Variants in SLX4IP observed in about 807,000 individuals in gnomAD.
SLX4IP encodes protein SLX4IP.
Under a neutral mutation model 32.9 loss-of-function variants are expected in SLX4IP, and 34 were observed. That is an observed-to-expected ratio of 1.03 (90% confidence interval 0.79 to 1.38). SLX4IP has a LOEUF of 1.38. Among genes scored for constraint, SLX4IP ranks in the 40% most tolerant of loss-of-function variants. The probability of loss-of-function intolerance (pLI) is 0.00; values close to 1 mark genes in which losing one functional copy is unlikely to be tolerated. For missense variants in SLX4IP, 444 were observed against 479.0 expected, an observed-to-expected ratio of 0.93 and a Z score of 0.68; for synonymous variants, 172 against 171.7, an observed-to-expected ratio of 1.00 and a Z score of -0.01.
intron 2 of SLX4IP, among the ~76,000 whole-genome samples, chr20:10,483,052 A>G (rs754727422): frequency 9.9e-5 from 15 of 152,228 alleles, no homozygotes; most frequent in South Asian, 2.1e-4. Context: ...ATCTATAGTG[A>G]TACGTTATCT....
intron 1 of SLX4IP, among the ~76,000 whole-genome samples, chr20:10,445,933 C>CTTTT (rs749557514): frequency 8.2e-5 from 5 of 60,704 alleles, no homozygotes; most frequent in African/African-American, 2.3e-4. Context: ...GCTGAGATTG[C>CTTTT]TTTTTTTTTT....
At chr20:10,488,399 T>C (rs681549) in intron 2 of SLX4IP, among the ~76,000 whole-genome samples, 59,409 of 151,898 alleles carry the variant, frequency 0.39, 11,838 homozygotes, top group Non-Finnish European at 0.43. Context: ...GGAACAAATT[T>C]TCCCTCATAT....
In SLX4IP at chr20:10,623,116, G is replaced by A. The variant is rs761175281; in HGVS notation, c.964G>A (p.Glu322Lys). Residue 322 changes from glutamate to lysine, a missense_variant, in exon 8 of 8, where the codon GAA (glutamate) becomes AAA (lysine). Glu to Lys is a moderately conservative substitution (Grantham distance 56, BLOSUM62 1). Transcript: ENST00000334534. ...TGGAAGTGATCGATTAGTCCCGAGA[G>A]AAATAATAGTGGAAAAAAGCAAAGC... Reference protein sequence around the residue: ...SLGSDRLVPREIIVEKSKAVR... With the variant: ...SLGSDRLVPRKIIVEKSKAVR... The A allele has an allele frequency of 1.2e-6, 2 of 1,614,200 alleles. No homozygotes were observed. Among genetic ancestry groups the A allele is most frequent in the South Asian group, 1.1e-5 (1 of 91,082 alleles).
At chr20:10,470,399 T>C (rs2065414932) in intron 2 of SLX4IP, among the ~76,000 whole-genome samples, 1 of 152,166 alleles carries the variant, frequency 6.6e-6, no homozygotes, top group Admixed American at 6.5e-5. Flanking sequence ...TAACGATGCA[T>C]AGTGTTTGCT....
intron 2 of SLX4IP, among the ~76,000 whole-genome samples, chr20:10,461,576 T>A (rs2065338564): frequency 6.6e-6 from 1 of 152,186 alleles, no homozygotes; most frequent in Non-Finnish European, 1.5e-5. Flanking sequence ...GGATCCCTTT[T>A]TAAATATCTG....
intron 2 of SLX4IP, among the ~76,000 whole-genome samples, chr20:10,482,785 A>G (rs1198235376): frequency 6.6e-6 from 1 of 152,254 alleles, no homozygotes; most frequent in Non-Finnish European, 1.5e-5. Context: ...AAACTAGATT[A>G]TGGTGACAAT....
chr20:10,523,086 A>G (rs1443177404), intron 2 of SLX4IP, among the ~76,000 whole-genome samples: 1 of 152,132 alleles, frequency 6.6e-6, no homozygotes, highest in Non-Finnish European at 1.5e-5. Flanking sequence ...CCTAAGTGCA[A>G]ACAGAGATCA....
At position 10,508,464 on chromosome 20, in the gene SLX4IP, A is replaced by G. The variant is rs114682680; in HGVS notation, c.28-47767A>G. On this transcript the variant is annotated intron_variant, in intron 2 of 7. Transcript: ENST00000334534. The stretch of plus-strand genomic sequence containing the variant: ...CTTTATTATATGAAACGCTTTTGAT[A>G]GAAATGATCCTGAAGTATCTCACAG... Among the ~76,000 whole-genome samples, 905 of 152,380 alleles carry G rather than the reference A, an allele frequency of 5.9e-3. 7 individuals carry two copies. Among genetic ancestry groups the G allele is most frequent in the African/African-American group, 0.021 (857 of 41,598 alleles).
intron 2 of SLX4IP, among the ~76,000 whole-genome samples, chr20:10,468,690 G>A (rs933070359): frequency 3.3e-5 from 5 of 152,064 alleles, no homozygotes; most frequent in African/African-American, 9.7e-5. Flanking sequence ...TGAATGACTT[G>A]CTTTTTCTTT....
At chr20:10,439,498 C>T (rs1463181030) in intron 1 of SLX4IP, among the ~76,000 whole-genome samples, 2 of 152,188 alleles carry the variant, frequency 1.3e-5, no homozygotes, top group Admixed American at 6.5e-5. Context: ...GTGTGAGCCA[C>T]GGGGGCTGGC....
intron 1 of SLX4IP, among the ~76,000 whole-genome samples, chr20:10,455,632 CAG>C (rs1430456916): frequency 2.9e-5 from 3 of 103,932 alleles, no homozygotes; most frequent in Non-Finnish European, 5.8e-5. Context: ...TATTTTGAGA[CAG>C]AGTCTCACTC....
chr20:10,546,940 G>A (rs1219023515), intron 2 of SLX4IP, among the ~76,000 whole-genome samples: 5 of 152,222 alleles, frequency 3.3e-5, no homozygotes, highest in African/African-American at 4.8e-5. Context: ...ATTCCCAAAT[G>A]TATTCTTCAT....
At chr20:10,544,963 A>T (rs564625415) in intron 2 of SLX4IP, among the ~76,000 whole-genome samples, 5 of 152,104 alleles carry the variant, frequency 3.3e-5, no homozygotes, top group Non-Finnish European at 4.4e-5. Context: ...AAACTTCAGC[A>T]TATGCCAGAA....
intron 4 of SLX4IP, among the ~76,000 whole-genome samples, chr20:10,580,020 C>T (rs2066565586): frequency 6.6e-6 from 1 of 152,160 alleles, no homozygotes; most frequent in Non-Finnish European, 1.5e-5. Flanking sequence ...AAACCTTTCA[C>T]AAATTTCTTG....
rs141321491 is a variant in SLX4IP, at chr20:10,453,544, A to G, written c.-29-4632A>G. ...CATCTTTAGTAGCTTCCTGAGAAAAAATACATGAAACAGTTTTATAAGAGC... is the reference window on the plus strand; with the variant it reads ...CATCTTTAGTAGCTTCCTGAGAAAAGATACATGAAACAGTTTTATAAGAGC... On this transcript the variant is annotated intron_variant, in intron 1 of 7. Coordinates refer to ENST00000334534, the MANE Select transcript of SLX4IP (RefSeq NM_001009608.3). Among the ~76,000 whole-genome samples, 919 of 152,256 alleles carry G rather than the reference A, an allele frequency of 6.0e-3. 5 individuals carry two copies. Among genetic ancestry groups the G allele is most frequent in the Middle Eastern group, 0.017 (5 of 294 alleles).
Position 10,622,661 on chromosome 20 carries a change from T to C in SLX4IP, c.509T>C (p.Val170Ala), listed in dbSNP as rs2067124679. 6.2e-7 allele frequency: 1 copy of C among 1,601,388 alleles called. No homozygotes were observed. The change falls in exon 8 of 8, where the codon GTG becomes GCG. Residue 170 changes from valine to alanine, a missense_variant and splice_region_variant. Val to Ala is a moderately conservative substitution (Grantham distance 64). Transcript: ENST00000334534. ...AAAATCATTTTTGTTTGTTTCAGTG[T>C]GAAAAGAACTGAAACAAAAAGCAGT... ...KLRRNALKEI[V>A]KRTETKSSVT...
At position 10,566,478 on chromosome 20, in the gene SLX4IP, T is replaced by G. The variant is rs996451579; in HGVS notation, c.238+5658T>G. ...TGTGTTATAATCATCCTTTGAGTAC[T>G]AAGGAAGCAGAGTCATGGGGATGGA... On this transcript the variant is annotated intron_variant, in intron 4 of 7. Transcript: ENST00000334534. 2.6e-5 allele frequency among the ~76,000 whole-genome samples: 4 copies of G among 152,046 alleles called. No individual in the cohort carries two copies. In the East Asian group the frequency reaches 7.7e-4, roughly 29 times the overall value.
At chr20:10,548,621 A>G (rs2066188742) in intron 2 of SLX4IP, among the ~76,000 whole-genome samples, 1 of 152,046 alleles carries the variant, frequency 6.6e-6, no homozygotes, top group Non-Finnish European at 1.5e-5. Context: ...TGTTCCTTGT[A>G]CCCCACCTGA....
intron 6 of SLX4IP, 135 bp downstream of exon 6, chr20:10,601,954 G>C: frequency 1.4e-6 from 1 of 707,398 alleles, no homozygotes. Flanking sequence ...GGAACAAGAA[G>C]CCCTACCTGT....
Sources: gnomAD v4.1 joint callset for allele counts (sites outside exome capture counted in the v4.1 genomes callset) on GRCh38, gnomAD v4.1.1 for gene constraint, MANE v1.5 for transcripts, NCBI Gene and HGNC (gene_info 2026-07-23, HGNC 2026-07-21) for gene names.